Variants in PIP4K2A observed in about 807,000 individuals in gnomAD.
The protein encoded by PIP4K2A is phosphatidylinositol-5-phosphate 4-kinase type 2 alpha.
PIP4K2A carries 14 observed loss-of-function variants against 42.9 expected under a neutral mutation model. That is an observed-to-expected ratio of 0.33 (90% confidence interval 0.22 to 0.51). The LOEUF (loss-of-function observed/expected upper bound fraction) is 0.51, where lower values mean the gene tolerates loss of function less well. PIP4K2A is among the 20% of genes least tolerant of loss of function. PIP4K2A has a pLI of 0.97. For synonymous variants in PIP4K2A, 192 were observed against 192.2 expected, an observed-to-expected ratio of 1.00 and a Z score of 0.01; for missense variants, 434 against 519.8, an observed-to-expected ratio of 0.83 and a Z score of 1.61.
intron 1 of PIP4K2A, among the ~76,000 whole-genome samples, chr10:22,627,594 A>T (rs913206894): frequency 2.9e-4 from 8 of 27,892 alleles, no homozygotes; most frequent in Admixed American, 5.3e-4. Context: ...TATGTAATAA[A>T]AAAAAAAAAA....
At chr10:22,668,613 T>C (rs1839394093) in intron 1 of PIP4K2A, among the ~76,000 whole-genome samples, 2 of 152,180 alleles carry the variant, frequency 1.3e-5, no homozygotes, top group Non-Finnish European at 2.9e-5. Context: ...TTCCTGAAAA[T>C]TCAATGTTAT....
Position 22,536,999 on chromosome 10 carries a change from G to C in PIP4K2A, c.*202C>G. Reference sequence around the variant, plus strand: ...ACACACACACATATACACAAAGTCAGAAATAGCTAGAACGATGCTGGGAAA... The same window carrying C: ...ACACACACACATATACACAAAGTCACAAATAGCTAGAACGATGCTGGGAAA... On this transcript the variant is annotated 3_prime_UTR_variant, in exon 10 of 10. Coordinates refer to ENST00000376573, the MANE Select transcript of PIP4K2A (RefSeq NM_005028.5). 1 of 537,820 alleles carries C rather than the reference G, an allele frequency of 1.9e-6. No homozygotes were observed. Among genetic ancestry groups the C allele is most frequent in the South Asian group, 2.2e-5 (1 of 45,568 alleles). 33.3% of individuals were successfully genotyped at this position (537,820 alleles called of 1,614,324 possible).
chr10:22,595,358 T>G (rs1285860787), intron 3 of PIP4K2A, among the ~76,000 whole-genome samples: 1 of 152,252 alleles, frequency 6.6e-6, no homozygotes, highest in Non-Finnish European at 1.5e-5. Context: ...ACTAAACTTC[T>G]GTCATCATAA....
intron 4 of PIP4K2A, among the ~76,000 whole-genome samples, chr10:22,582,137 T>C (rs1458789660): frequency 6.6e-6 from 1 of 151,928 alleles, no homozygotes; most frequent in Non-Finnish European, 1.5e-5. Context: ...TTATAAATGA[T>C]GTCGTCAACA....
At chr10:22,702,895 A>G (rs897731664) in intron 1 of PIP4K2A, among the ~76,000 whole-genome samples, 3 of 152,190 alleles carry the variant, frequency 2.0e-5, no homozygotes, top group African/African-American at 7.2e-5. Context: ...AGTAAATAGG[A>G]AAAAGTCTCA....
chr10:22,626,468 C>T (rs1359641), intron 1 of PIP4K2A, among the ~76,000 whole-genome samples: 8,896 of 152,208 alleles, frequency 0.058, 423 homozygotes, highest in African/African-American at 0.13. Flanking sequence ...ATTCAGAACA[C>T]GAGGATATTG....
chr10:22,597,120 A>G (rs1472059677), intron 3 of PIP4K2A, among the ~76,000 whole-genome samples: 1 of 152,266 alleles, frequency 6.6e-6, no homozygotes, highest in African/African-American at 2.4e-5. Flanking sequence ...TAACATGTGT[A>G]CAAAGCTATC....
At chr10:22,666,728 T>C (rs558039313) in intron 1 of PIP4K2A, among the ~76,000 whole-genome samples, 3 of 152,328 alleles carry the variant, frequency 2.0e-5, no homozygotes, top group Admixed American at 6.5e-5. Context: ...GCAGGCTTCA[T>C]CTGAAACAGC....
intron 4 of PIP4K2A, among the ~76,000 whole-genome samples, chr10:22,584,408 G>A (rs912710457): frequency 5.9e-5 from 9 of 152,272 alleles, no homozygotes; most frequent in Middle Eastern, 3.4e-3. Flanking sequence ...GGGCAGAGAT[G>A]TTTGGAGATG....
Position 22,714,312 on chromosome 10 carries a change from G to A in PIP4K2A, c.15C>T (p.Gly5=). 2 of 1,605,528 alleles carry A rather than the reference G, an allele frequency of 1.2e-6. No individual in the cohort carries two copies. Among genetic ancestry groups the A allele is most frequent in the Non-Finnish European group, 1.7e-6 (2 of 1,175,824 alleles). ...TCGCCAGGACAGAGGACCCTAGGTT[G>A]CCGGGGGTCGCCATGGCCGCCTCCT... The part of the protein sequence containing the change: MATP[G]NLGSSVLASK... Residue 5 remains glycine (G), a synonymous_variant, in exon 1 of 10, where the codon GGC becomes GGT. Coordinates refer to ENST00000376573, the MANE Select transcript of PIP4K2A (RefSeq NM_005028.5).
At chr10:22,613,726 C>T (rs1838107526) in intron 1 of PIP4K2A, among the ~76,000 whole-genome samples, 1 of 152,154 alleles carries the variant, frequency 6.6e-6, no homozygotes, top group Non-Finnish European at 1.5e-5. Flanking sequence ...TGATGGTTCA[C>T]GTACAGGAAC....
chr10:22,711,329 C>A (rs1833907630), intron 1 of PIP4K2A, among the ~76,000 whole-genome samples: 1 of 152,134 alleles, frequency 6.6e-6, no homozygotes, highest in Admixed American at 6.6e-5. Flanking sequence ...CAGCTACATT[C>A]AATATAACAA....
intron 1 of PIP4K2A, among the ~76,000 whole-genome samples, chr10:22,680,815 G>A (rs1391448325): frequency 2.0e-5 from 3 of 152,098 alleles, no homozygotes; most frequent in Non-Finnish European, 2.9e-5. Context: ...AAAATATGCC[G>A]GATTTTTATA....
chr10:22,595,573 G>A (rs899795109), intron 3 of PIP4K2A, among the ~76,000 whole-genome samples: 2 of 151,972 alleles, frequency 1.3e-5, no homozygotes, highest in African/African-American at 4.8e-5. Context: ...CCTGGGCAAC[G>A]TGGTGAAACC....
At position 22,714,323 on chromosome 10, in the gene PIP4K2A, C is replaced by T. The variant is rs773898911; in HGVS notation, c.4G>A (p.Ala2Thr). The T allele has an allele frequency of 3.1e-6, 5 of 1,603,958 alleles. No individual in the cohort carries two copies. The highest frequency in any genetic ancestry group is 3.4e-5 in the Admixed American group (2 of 59,354). The change falls in exon 1 of 10, where the codon GCG becomes ACG. Residue 2 changes from alanine (A) to threonine (T), a missense_variant. Transcript: ENST00000376573. MATPGNLGSSVL... is the reference protein window; with the variant it reads MTTPGNLGSSVL... ...GAGGACCCTAGGTTGCCGGGGGTCGCCATGGCCGCCTCCTATGTCCCCTCC... is the reference window on the plus strand; with the variant it reads ...GAGGACCCTAGGTTGCCGGGGGTCGTCATGGCCGCCTCCTATGTCCCCTCC...
rs189864241 is a variant in PIP4K2A, at chr10:22,634,710, T to C, written c.145-24993A>G. ...TCCATAGCAGAGGTGTAAAGTGTTT[T>C]AGGAAGCATACATTTTTTTTAATCT... is the stretch of plus-strand genomic sequence containing the variant. On this transcript the variant is annotated intron_variant, in intron 1 of 9. Transcript: ENST00000376573. Among the ~76,000 whole-genome samples the C allele has an allele frequency of 3.9e-5, 6 of 152,304 alleles. No individual in the cohort carries two copies. In the East Asian group the frequency reaches 1.2e-3, roughly 29 times the overall value.
chr10:22,578,794 C>T (rs1837184675), intron 4 of PIP4K2A, among the ~76,000 whole-genome samples: 1 of 152,230 alleles, frequency 6.6e-6, no homozygotes, highest in African/African-American at 2.4e-5. Flanking sequence ...GTGGCAAGCA[C>T]TACCCTTAGC....
intron 1 of PIP4K2A, among the ~76,000 whole-genome samples, chr10:22,631,273 G>T (rs1031241144): frequency 6.6e-6 from 1 of 152,158 alleles, no homozygotes; most frequent in Non-Finnish European, 1.5e-5. Context: ...CTAACCTCGA[G>T]TGTGACTTTG....
intron 3 of PIP4K2A, among the ~76,000 whole-genome samples, chr10:22,594,933 G>C (rs1000726013): frequency 2.6e-5 from 4 of 152,104 alleles, no homozygotes; most frequent in African/African-American, 4.8e-5. Context: ...AATAATCCAC[G>C]TGAGTAGCCC....
Sources: gnomAD v4.1 joint callset for allele counts (sites outside exome capture counted in the v4.1 genomes callset) on GRCh38, gnomAD v4.1.1 for gene constraint, MANE v1.5 for transcripts, NCBI Gene and HGNC (gene_info 2026-07-23, HGNC 2026-07-21) for gene names.